Variants in LIN28B observed in about 807,000 individuals in gnomAD.
The protein encoded by LIN28B is lin-28 RNA binding posttranscriptional regulator B, also known as protein lin-28 homolog B.
A neutral mutation model predicts 21.9 loss-of-function variants in LIN28B; 5 were observed. That is an observed-to-expected ratio of 0.23 (90% confidence interval 0.12 to 0.48). The LOEUF (loss-of-function observed/expected upper bound fraction) is 0.48. LIN28B is among the 20% of genes least tolerant of loss of function. The pLI, the probability that LIN28B is intolerant of heterozygous loss-of-function variation, is 0.98. For synonymous variants in LIN28B, 109 were observed against 111.3 expected (o/e 0.98, Z 0.13); for missense variants, 245 against 310.5 (o/e 0.79, Z 1.58).
At chr6:104,953,198 T>A (rs1778241450), upstream of LIN28B, among the ~76,000 whole-genome samples, 1 of 152,058 alleles carries the variant, frequency 6.6e-6, no homozygotes, top group Non-Finnish European at 1.5e-5. Context: ...CAGCCCTTTC[T>A]CGCCGACGTT....
rs182401417 is a variant in LIN28B, at chr6:105,023,764, C to G, written c.199-2534C>G. Among the ~76,000 whole-genome samples, 423 of 141,638 alleles carry G rather than the reference C, an allele frequency of 3.0e-3. 6 individuals are homozygous for G. The highest frequency in any genetic ancestry group is 0.011 in the African/African-American group (405 of 37,872). 92.9% of individuals were successfully genotyped at this position (141,638 alleles called of 152,430 possible). A position where few individuals can be genotyped will look rare whatever the true frequency, so the allele number is the denominator to read the frequency against. On this transcript the variant is annotated intron_variant, in intron 2 of 3. Transcript: ENST00000345080. ...AAGTATTCTTTCAGAATATCATGAACAACAGCTAGAATTTATTAGTTTGTA... is the reference window on the plus strand; with the variant it reads ...AAGTATTCTTTCAGAATATCATGAAGAACAGCTAGAATTTATTAGTTTGTA...
chr6:105,067,751 G>T (rs941275619), intron 3 of LIN28B, among the ~76,000 whole-genome samples: 6 of 152,234 alleles, frequency 3.9e-5, no homozygotes, highest in African/African-American at 1.4e-4. Context: ...AATGAATATT[G>T]TTCCATTGAT....
intron 2 of LIN28B, among the ~76,000 whole-genome samples, chr6:105,022,997 C>G (rs1305100447): frequency 6.7e-6 from 1 of 150,312 alleles, no homozygotes; most frequent in Non-Finnish European, 1.5e-5. Context: ...AGCATTGGAA[C>G]CAGTGTAATT....
At chr6:105,049,660 G>A (rs1158350560) in intron 3 of LIN28B, among the ~76,000 whole-genome samples, 3 of 151,910 alleles carry the variant, frequency 2.0e-5, no homozygotes, top group African/African-American at 4.8e-5. Flanking sequence ...GTTCTCTAAG[G>A]ACTTGCTTTA....
At chr6:104,974,305 A>G (rs545609283) in intron 2 of LIN28B, among the ~76,000 whole-genome samples, 1 of 152,144 alleles carries the variant, frequency 6.6e-6, no homozygotes, top group South Asian at 2.1e-4. Flanking sequence ...CCTGGCCAAT[A>G]TGGTGAAACC....
rs138545367 is a variant in LIN28B at position 105,014,228 on chromosome 6, G to A, written c.199-12070G>A. On this transcript the variant is annotated intron_variant, in intron 2 of 3. Transcript: ENST00000345080. ...AGTGGCACAATCACAGCTCACTACA[G>A]CTTCAACCTCTTAGGCTCAAGTGAT... Among the ~76,000 whole-genome samples, 488 of 152,172 alleles carry A rather than the reference G, an allele frequency of 3.2e-3. 3 individuals are homozygous for A. The highest frequency in any genetic ancestry group is 5.4e-3 in the Non-Finnish European group (369 of 67,994).
chr6:105,012,376 G>A (rs1770942278), intron 2 of LIN28B, among the ~76,000 whole-genome samples: 2 of 151,770 alleles, frequency 1.3e-5, no homozygotes, highest in African/African-American at 2.4e-5. Flanking sequence ...GGTTGAGGCA[G>A]GAGAATCGCT....
Position 105,009,204 on chromosome 6 carries a change from G to A in LIN28B, c.199-17094G>A, listed in dbSNP as rs1770875498. ...GAAATCTGCACCAAAAAAAATATAT[G>A]AACCTGGTGGTACCAAGTTTTGTGT... On this transcript the variant is annotated intron_variant, in intron 2 of 3. Transcript: ENST00000345080. 4.6e-5 allele frequency among the ~76,000 whole-genome samples: 7 copies of A among 152,262 alleles called. No homozygotes were observed. In the South Asian group the frequency reaches 1.5e-3, roughly 32 times the overall value.
At chr6:105,035,365 G>C (rs1355968307) in intron 3 of LIN28B, among the ~76,000 whole-genome samples, 2 of 152,102 alleles carry the variant, frequency 1.3e-5, no homozygotes, top group African/African-American at 4.8e-5. Context: ...GGAATTTGCT[G>C]TTTAGTAGGT....
rs755211283 is a variant in LIN28B, at chr6:104,958,075, CTT to C, written c.11-19_11-18del. 16 of 1,498,220 alleles carry C rather than the reference CTT, an allele frequency of 1.1e-5. No individual in the cohort carries two copies. The East Asian group carries it at 3.8e-4, about 35-fold the overall frequency. 92.8% of individuals were successfully genotyped at this position (1,498,220 alleles called of 1,614,324 possible). A position where few individuals can be genotyped will look rare whatever the true frequency, so the allele number is the denominator to read the frequency against. The stretch of plus-strand genomic sequence containing the variant: ...CACATTGAATGGGAATACAGACTGA[CTT>C]TTTTGTCCTGTTCCTTCTCAGGCGG... On this transcript the variant is annotated intron_variant, in intron 1 of 3. Coordinates refer to ENST00000345080, the MANE Select transcript of LIN28B (RefSeq NM_001004317.4).
intron 3 of LIN28B, among the ~76,000 whole-genome samples, chr6:105,030,529 C>A (rs533553726): frequency 6.7e-6 from 1 of 148,722 alleles, no homozygotes; most frequent in African/African-American, 2.5e-5. Context: ...GCTATTTTTT[C>A]TTGATAAGAT....
chr6:105,024,438 G>C (rs1771244909), intron 2 of LIN28B, among the ~76,000 whole-genome samples: 1 of 152,158 alleles, frequency 6.6e-6, no homozygotes, highest in Non-Finnish European at 1.5e-5. Flanking sequence ...ACCTTCTTGA[G>C]TGGAGAGGGA....
intron 2 of LIN28B, among the ~76,000 whole-genome samples, chr6:105,011,656 C>T (rs1201308877): frequency 2.6e-5 from 4 of 151,456 alleles, no homozygotes; most frequent in Non-Finnish European, 5.9e-5. Context: ...TCAAAACCAG[C>T]CTGGCCAATA....
At chr6:105,031,388 A>G (rs944432775) in intron 3 of LIN28B, among the ~76,000 whole-genome samples, 1 of 151,996 alleles carries the variant, frequency 6.6e-6, no homozygotes, top group Non-Finnish European at 1.5e-5. Flanking sequence ...AATGATATTA[A>G]ATAATTGATT....
At chr6:104,943,790 A>ACAAAGTTCAT (rs1362850718) in intron 2 of LIN28B, among the ~76,000 whole-genome samples, 1 of 152,158 alleles carries the variant, frequency 6.6e-6, no homozygotes, top group Non-Finnish European at 1.5e-5. Context: ...TTGATGAACC[A>ACAAAGTTCAT]CAAAGTAAAG....
intron 2 of LIN28B, among the ~76,000 whole-genome samples, chr6:105,018,132 T>A (rs1771066720): frequency 6.6e-6 from 1 of 151,816 alleles, no homozygotes; most frequent in Non-Finnish European, 1.5e-5. Flanking sequence ...CAAAAAAATT[T>A]TAAAAGTAGC....
chr6:105,008,146 CAT>C (rs1190367154), intron 2 of LIN28B, among the ~76,000 whole-genome samples: 1 of 152,158 alleles, frequency 6.6e-6, no homozygotes, highest in Non-Finnish European at 1.5e-5. Context: ...GTTTTCCCCT[CAT>C]ATTCAATATA....
At chr6:105,003,801 G>A (rs186148477) in intron 2 of LIN28B, among the ~76,000 whole-genome samples, 2 of 152,274 alleles carry the variant, frequency 1.3e-5, no homozygotes, top group Admixed American at 1.3e-4. Context: ...GTGAGCCACT[G>A]CACCCAGCCT....
At chr6:104,967,554 C>T (rs1226859566) in intron 2 of LIN28B, among the ~76,000 whole-genome samples, 3 of 110,280 alleles carry the variant, frequency 2.7e-5, no homozygotes, top group South Asian at 3.1e-4. Context: ...GCACTCCAGG[C>T]GACAAGAGTG....
Sources: gnomAD v4.1 joint callset for allele counts (sites outside exome capture counted in the v4.1 genomes callset) on GRCh38, gnomAD v4.1.1 for gene constraint, MANE v1.5 for transcripts, NCBI Gene and HGNC (gene_info 2026-07-23, HGNC 2026-07-21) for gene names.